PDK1: variants seen among roughly 807,000 people sequenced by gnomAD.
The protein encoded by PDK1 is [Pyruvate dehydrogenase (acetyl-transferring)] kinase isozyme 1, mitochondrial.
In PDK1, 39 loss-of-function variants were observed where a neutral mutation model predicts 54.2. That is an observed-to-expected ratio of 0.72 (90% CI 0.56 to 0.94). PDK1 has a LOEUF of 0.94. Ranked by LOEUF, PDK1 falls within the 40% of genes least tolerant of loss-of-function variation. The pLI is 0.00. For missense variants in PDK1, 552 were observed against 566.0 expected, an observed-to-expected ratio of 0.98 and a Z score of 0.25; for synonymous variants, 221 against 207.1, an observed-to-expected ratio of 1.07 and a Z score of -0.58.
At chr2:172,593,916 T>C (rs2149297868) in intron 10 of PDK1, among the ~76,000 whole-genome samples, 1 of 152,278 alleles carries the variant, frequency 6.6e-6, no homozygotes, top group Admixed American at 6.5e-5. Flanking sequence ...TTATAGGAAA[T>C]GTTGAAGAAT....
chr2:172,682,550 GTCC>G, the PDK1 span, among the ~76,000 whole-genome samples: 108 of 152,314 alleles, frequency 7.1e-4, no homozygotes, highest in Non-Finnish European at 7.4e-5. Flanking sequence ...CACATTTCCT[GTCC>G]TCCTCTGCAT....
chr2:172,697,899 G>A, the PDK1 span, among the ~76,000 whole-genome samples: 2 of 152,156 alleles, frequency 1.3e-5, no homozygotes, highest in African/African-American at 2.4e-5. Flanking sequence ...ACTTGCCAAT[G>A]AGGAGAATTT....
chr2:172,609,192 A>G (rs1019545010), downstream of PDK1, among the ~76,000 whole-genome samples: 6 of 152,210 alleles, frequency 3.9e-5, no homozygotes, highest in Non-Finnish European at 7.3e-5. Context: ...TGTGAATGCT[A>G]TCTACGACAA....
Position 172,556,159 on chromosome 2 carries a change from G to A in PDK1, c.9G>A (p.Leu3=). The change falls in exon 1 of 11, where the codon CTG becomes CTA. Residue 3 remains leucine, a synonymous_variant. Coordinates refer to ENST00000282077, the MANE Select transcript of PDK1 (RefSeq NM_002610.5). The part of the protein sequence containing the change: MR[L]ARLLRGAALA... Reference sequence around the variant, plus strand: ...CTCTAGCGGGACTCGGCATGAGGCTGGCGCGGCTGCTTCGCGGAGCCGCCT... The same window carrying A: ...CTCTAGCGGGACTCGGCATGAGGCTAGCGCGGCTGCTTCGCGGAGCCGCCT... 2.1e-6 allele frequency: 3 copies of A among 1,414,484 alleles called. No individual in the cohort carries two copies. Among genetic ancestry groups the A allele is most frequent in the Non-Finnish European group, 2.7e-6 (3 of 1,091,578 alleles). 87.6% of individuals were successfully genotyped at this position (1,414,484 alleles called of 1,614,324 possible). A position where few individuals can be genotyped will look rare whatever the true frequency, so the allele number is the denominator to read the frequency against.
the PDK1 span, among the ~76,000 whole-genome samples, chr2:172,644,261 G>A: frequency 6.6e-6 from 1 of 152,180 alleles, no homozygotes; most frequent in Non-Finnish European, 1.5e-5. Context: ...GGGCTGCTGC[G>A]ACATAAAATC....
the PDK1 span, among the ~76,000 whole-genome samples, chr2:172,621,859 ATC>A: frequency 3.5e-5 from 5 of 142,062 alleles, no homozygotes; most frequent in African/African-American, 1.3e-4. Context: ...ACATGTTTAT[ATC>A]TCATATGTAT....
the PDK1 span, among the ~76,000 whole-genome samples, chr2:172,637,243 C>T: frequency 6.6e-6 from 1 of 152,166 alleles, no homozygotes; most frequent in East Asian, 1.9e-4. Flanking sequence ...AGCTCCCTGA[C>T]GCTGGCAGTT....
the PDK1 span, among the ~76,000 whole-genome samples, chr2:172,688,307 C>T: frequency 6.7e-6 from 1 of 150,282 alleles, no homozygotes; most frequent in African/African-American, 2.4e-5. Context: ...CACTCCCATA[C>T]CTCCTGCACT....
the PDK1 span, among the ~76,000 whole-genome samples, chr2:172,646,334 G>A: frequency 6.6e-6 from 1 of 152,142 alleles, no homozygotes. Context: ...AGGAAATGGT[G>A]CTCTGTGGTG....
At chr2:172,633,867 ATT>A in the PDK1 span, among the ~76,000 whole-genome samples, 1,697 of 68,598 alleles carry the variant, frequency 0.025, 9 homozygotes, top group African/African-American at 0.1. Context: ...TTAGTCTATG[ATT>A]TTTTTTTTTT....
chr2:172,662,987 G>C, the PDK1 span, among the ~76,000 whole-genome samples: 1 of 152,182 alleles, frequency 6.6e-6, no homozygotes, highest in African/African-American at 2.4e-5. Flanking sequence ...CATATTCAAT[G>C]CATATTTGCT....
Position 172,573,292 on chromosome 2 carries a change from G to A in PDK1, c.945+2468G>A, listed in dbSNP as rs190134026. Among the ~76,000 whole-genome samples, 213 of 152,276 alleles carry A rather than the reference G, an allele frequency of 1.4e-3. 1 individual carries two copies. The highest frequency in any genetic ancestry group is 4.7e-3 in the Admixed American group (72 of 15,298). On this transcript the variant is annotated intron_variant, in intron 8 of 10. Transcript: ENST00000282077. ...TTATTATAGACATTATTGTGAGTGT[G>A]AAGTGGTATCTCAGTGTGGTTTTTA...
chr2:172,654,830 C>T, the PDK1 span, among the ~76,000 whole-genome samples: 9 of 152,212 alleles, frequency 5.9e-5, no homozygotes, highest in African/African-American at 9.6e-5. Flanking sequence ...AGCAAGTCTA[C>T]GGCCTCCCTA....
chr2:172,713,651 G>A, the PDK1 span, among the ~76,000 whole-genome samples: 1 of 152,250 alleles, frequency 6.6e-6, no homozygotes, highest in Non-Finnish European at 1.5e-5. Context: ...CTGGGAGCAG[G>A]GAGAGGCCAG....
At chr2:172,668,945 A>AGAGAGAGAGAGAGAGG in the PDK1 span, among the ~76,000 whole-genome samples, 1 of 147,300 alleles carries the variant, frequency 6.8e-6, no homozygotes. Context: ...AGAGAAAGAG[A>AGAGAGAGAGAGAGAGG]GAGAGACGGA....
In PDK1 at chr2:172,570,831, G is replaced by A. The variant is rs2149231318; in HGVS notation, c.945+7G>A. 1 of 1,471,376 alleles carries A rather than the reference G, an allele frequency of 6.8e-7. No individual in the cohort carries two copies. The highest frequency in any genetic ancestry group is 1.4e-5 in the African/African-American group (1 of 70,906). The allele number at this position is 1,471,376 out of a possible 1,614,324, so 91.1% of individuals were successfully genotyped here. ...TGAGGATTTGACTGTGAAGGTAAAT[G>A]TGTTTAATGGTTTGTTTTCTTTTTT... On this transcript the variant is annotated splice_region_variant and intron_variant, in intron 8 of 10. Coordinates refer to ENST00000282077, the MANE Select transcript of PDK1 (RefSeq NM_002610.5).
chr2:172,718,275 G>C, the PDK1 span, among the ~76,000 whole-genome samples: 6 of 152,236 alleles, frequency 3.9e-5, no homozygotes, highest in African/African-American at 1.4e-4. Flanking sequence ...AATGAAGCTA[G>C]TGAAATGAAG....
At chr2:172,556,472 C>T (rs543169502) in intron 1 of PDK1, 126 bp downstream of exon 1, 3 of 614,092 alleles carry the variant, frequency 4.9e-6, no homozygotes, top group Admixed American at 8.7e-5. Flanking sequence ...CTCAGCGTTT[C>T]CGCCCCCAGC....
the PDK1 span, among the ~76,000 whole-genome samples, chr2:172,662,493 C>CGTGTGGGTGTGTGT: frequency 7.0e-6 from 1 of 143,500 alleles, no homozygotes. Context: ...TTTTTAAAAT[C>CGTGTGGGTGTGTGT]GTGTGTGTGT....
Sources: allele counts gnomAD v4.1 joint callset (sites outside exome capture counted in the v4.1 genomes callset), GRCh38; gene constraint gnomAD v4.1.1; transcripts MANE v1.5; gene names NCBI Gene and HGNC (gene_info 2026-07-23, HGNC 2026-07-21).